ENPP1: variants seen among roughly 807,000 people sequenced by gnomAD.
The protein encoded by ENPP1 is ectonucleotide pyrophosphatase/phosphodiesterase family member 1.
ENPP1 carries 73 observed loss-of-function variants against 122.8 expected under a neutral mutation model. That is an observed-to-expected ratio of 0.59 (90% CI 0.49 to 0.72). The LOEUF (loss-of-function observed/expected upper bound fraction) is 0.72. Among genes scored for constraint, ENPP1 ranks in the 30% least tolerant of loss-of-function variants. ENPP1 has a pLI of 0.00. For missense variants in ENPP1, 978 were observed against 1,128.1 expected (o/e 0.87, Z 1.91); for synonymous variants, 367 against 391.6 (o/e 0.94, Z 0.74).
At chr6:131,855,252 G>A (rs976612094) in intron 6 of ENPP1, among the ~76,000 whole-genome samples, 5 of 151,978 alleles carry the variant, frequency 3.3e-5, no homozygotes, top group Admixed American at 6.6e-5. Flanking sequence ...TTAACCTTTG[G>A]CCATTTTTAT....
chr6:131,828,369 C>T, intron 1 of ENPP1: 1 of 399,468 alleles, frequency 2.5e-6, no homozygotes, highest in South Asian at 2.4e-5. Flanking sequence ...GATAAGATGA[C>T]TGGGTGTCTG....
intron 19 of ENPP1, among the ~76,000 whole-genome samples, chr6:131,879,401 A>G (rs1486195725): frequency 2.0e-5 from 3 of 146,498 alleles, no homozygotes. Context: ...AATTAGTTAT[A>G]TGATGTGTAC....
At chr6:131,857,443 A>G (rs1250770156) in intron 6 of ENPP1, among the ~76,000 whole-genome samples, 1 of 151,036 alleles carries the variant, frequency 6.6e-6, no homozygotes, top group Non-Finnish European at 1.5e-5. Context: ...AATGTGGCAC[A>G]TATACACCAT....
intron 1 of ENPP1, chr6:131,828,302 T>C (rs1261488396): frequency 1.9e-6 from 1 of 522,016 alleles, no homozygotes; most frequent in Non-Finnish European, 3.8e-6. Context: ...AGCCAGCATG[T>C]CCACATGATC....
chr6:131,878,522 A>T lies in ENPP1; in HGVS notation c.1894-20A>T, dbSNP rs2114722346. On this transcript the variant is annotated intron_variant, in intron 18 of 24. Coordinates refer to ENST00000647893, the MANE Select transcript of ENPP1 (RefSeq NM_006208.3). ...AACATGTCTCTCAGTCCTTAAAAAT[A>T]GTTTTATAACCTTTTTTAGATTTTG... 6.4e-7 allele frequency: 1 copy of T among 1,550,692 alleles called. No homozygotes were observed. The highest frequency in any genetic ancestry group is 8.9e-7 in the Non-Finnish European group (1 of 1,122,962).
At chr6:131,827,676 G>A (rs949119713) in intron 1 of ENPP1, 12 of 645,260 alleles carry the variant, frequency 1.9e-5, no homozygotes, top group Non-Finnish European at 3.5e-5. Context: ...TCTGCTCTAC[G>A]TGCATGCGGA....
chr6:131,843,002 G>A (rs749789441), intron 1 of ENPP1, among the ~76,000 whole-genome samples: 8 of 152,062 alleles, frequency 5.3e-5, no homozygotes, highest in Non-Finnish European at 1.0e-4. Context: ...TTTACTTTCT[G>A]TCTCCCAGTT....
intron 16 of ENPP1, among the ~76,000 whole-genome samples, chr6:131,875,283 T>G (rs2114718093): frequency 6.6e-6 from 1 of 152,332 alleles, no homozygotes; most frequent in East Asian, 1.9e-4. Flanking sequence ...ATATTTCTAA[T>G]AATTATTTTT....
intron 3 of ENPP1, among the ~76,000 whole-genome samples, chr6:131,850,409 A>G (rs1344971560): frequency 1.3e-5 from 2 of 152,172 alleles, no homozygotes; most frequent in Non-Finnish European, 2.9e-5. Context: ...AAATATAGAA[A>G]TATTTTCATT....
chr6:131,808,748 C>T (rs1210237203), intron 1 of ENPP1, among the ~76,000 whole-genome samples: 3 of 152,192 alleles, frequency 2.0e-5, no homozygotes, highest in Admixed American at 6.5e-5. Context: ...AGGAACTCTA[C>T]GGAACACTTT....
chr6:131,818,599 G>T (rs1562508935), intron 1 of ENPP1, among the ~76,000 whole-genome samples: 1 of 150,764 alleles, frequency 6.6e-6, no homozygotes, highest in Non-Finnish European at 1.5e-5. Flanking sequence ...AGTGAGCCGA[G>T]ATCGTGCCAC....
chr6:131,893,950 T>A lies in ENPP1; in HGVS notation c.*3439T>A, dbSNP rs1186006107. On this transcript the variant is annotated 3_prime_UTR_variant, in exon 25 of 25. Transcript: ENST00000647893. The stretch of plus-strand genomic sequence containing the variant: ...TGAAACCTTTATTTATCTTGATTTC[T>A]TTTTTTTTTTTTTTTTTTTTTTTTT... 1 of 17,548 alleles carries A rather than the reference T, an allele frequency of 5.7e-5. No homozygotes were observed. The highest frequency in any genetic ancestry group is 9.7e-5 in the Non-Finnish European group (1 of 10,272). 1.1% of individuals were successfully genotyped at this position (17,548 alleles called of 1,614,324 possible). A position where few individuals can be genotyped will look rare whatever the true frequency, so the allele number is the denominator to read the frequency against.
At chr6:131,848,048 A>G (rs915876977) in intron 2 of ENPP1, among the ~76,000 whole-genome samples, 200 bp downstream of exon 2, 1 of 152,300 alleles carries the variant, frequency 6.6e-6, no homozygotes, top group Non-Finnish European at 1.5e-5. Context: ...CTACTTACAA[A>G]ACATGGCCGG....
intron 1 of ENPP1, among the ~76,000 whole-genome samples, chr6:131,831,142 A>AAAG (rs1562513494): frequency 1.3e-5 from 2 of 150,026 alleles, no homozygotes; most frequent in Non-Finnish European, 3.0e-5. Context: ...AAAAAAGAAA[A>AAAG]GAAAATAGAT....
chr6:131,884,423 T>C (rs893395220), intron 22 of ENPP1, among the ~76,000 whole-genome samples: 8 of 152,226 alleles, frequency 5.3e-5, no homozygotes, highest in Admixed American at 4.6e-4. Context: ...AACGTTTGTC[T>C]GTGAGTCCTT....
Position 131,852,200 on chromosome 6 carries a change from A to G in ENPP1, c.582A>G (p.Pro194=), listed in dbSNP as rs773731235. 4 of 1,607,410 alleles carry G rather than the reference A, an allele frequency of 2.5e-6. No individual in the cohort carries two copies. Among genetic ancestry groups the G allele is most frequent in the South Asian group, 1.1e-5 (1 of 91,006 alleles). ...CQGEKSWVEE[P]CESINEPQCP... The stretch of plus-strand genomic sequence containing the variant: ...GTGAGAAAAGTTGGGTAGAAGAACC[A>G]TGTGAGAGCATTAATGAGCCACAGT... Residue 194 remains proline (P), a synonymous_variant, in exon 5 of 25, where the codon CCA becomes CCG. Transcript: ENST00000647893.
chr6:131,830,706 T>C (rs1374858600), intron 1 of ENPP1, among the ~76,000 whole-genome samples: 1 of 152,146 alleles, frequency 6.6e-6, no homozygotes, highest in Non-Finnish European at 1.5e-5. Flanking sequence ...TAAGAAAATG[T>C]TTACAAAATA....
At chr6:131,877,859 AAAAAAAAATATAT>A (rs1782251524) in intron 18 of ENPP1, 1 of 108,282 alleles carries the variant, frequency 9.2e-6, no homozygotes, top group Non-Finnish European at 1.9e-5. Context: ...AAAAAAAAAA[AAAAAAAAATATAT>A]ATATATATAT....
chr6:131,850,276 G>A (rs1781864751), intron 3 of ENPP1, among the ~76,000 whole-genome samples, 170 bp downstream of exon 3: 1 of 152,020 alleles, frequency 6.6e-6, no homozygotes, highest in Admixed American at 6.6e-5. Flanking sequence ...AGTTCCTTAA[G>A]AGAAAAAAAT....
Sources: gnomAD v4.1 joint callset for allele counts (sites outside exome capture counted in the v4.1 genomes callset) on GRCh38, gnomAD v4.1.1 for gene constraint, MANE v1.5 for transcripts, NCBI Gene and HGNC (gene_info 2026-07-23, HGNC 2026-07-21) for gene names.